The following RERG variants were observed in gnomAD, a reference collection of about 807,000 sequenced individuals.
The protein encoded by RERG is ras-related and estrogen-regulated growth inhibitor.
Under a neutral mutation model 23.2 loss-of-function variants are expected in RERG, and 25 were observed. That is an observed-to-expected ratio of 1.08 (90% confidence interval 0.79 to 1.50). RERG has a LOEUF of 1.50. Ranked by LOEUF, RERG falls within the 40% of genes most tolerant of loss-of-function variation. RERG has a pLI of 0.00. For synonymous variants in RERG, 81 were observed against 89.1 expected (o/e 0.91, Z 0.51); for missense variants, 253 against 250.1 (o/e 1.01, Z -0.08).
At chr12:15,174,533 T>G (rs1036624122) in intron 2 of RERG, among the ~76,000 whole-genome samples, 2 of 151,704 alleles carry the variant, frequency 1.3e-5, no homozygotes, top group East Asian at 1.9e-4. Context: ...TAGGCAGTTT[T>G]GGGCCATAAT....
At chr12:15,152,948 T>C (rs1297932540) in intron 2 of RERG, among the ~76,000 whole-genome samples, 1 of 152,176 alleles carries the variant, frequency 6.6e-6, no homozygotes, top group Non-Finnish European at 1.5e-5. Flanking sequence ...GCCATTTTCT[T>C]GTTAAATTAA....
intron 2 of RERG, among the ~76,000 whole-genome samples, chr12:15,133,205 A>G (rs1864085664): frequency 6.8e-6 from 1 of 147,798 alleles, no homozygotes; most frequent in Admixed American, 6.8e-5. Context: ...ATCATGTAGA[A>G]CAGTTTCACT....
chr12:15,145,662 CTG>C (rs1486251901), intron 2 of RERG, among the ~76,000 whole-genome samples: 2 of 152,242 alleles, frequency 1.3e-5, no homozygotes, highest in African/African-American at 4.8e-5. Context: ...AGAGGGGCAG[CTG>C]TGCCTGACCA....
At chr12:15,220,646 G>A (rs747477367) in intron 1 of RERG, among the ~76,000 whole-genome samples, 2 of 152,048 alleles carry the variant, frequency 1.3e-5, no homozygotes, top group Admixed American at 6.5e-5. Flanking sequence ...GTCTTTATAA[G>A]GTAATCATGC....
intron 2 of RERG, among the ~76,000 whole-genome samples, chr12:15,207,318 TTAAATC>T (rs1224562475): frequency 6.6e-6 from 1 of 152,054 alleles, no homozygotes; most frequent in Non-Finnish European, 1.5e-5. Flanking sequence ...GGAGAATTGA[TTAAATC>T]TAATAAAATA....
chr12:15,160,885 C>T (rs1049723999), intron 2 of RERG, among the ~76,000 whole-genome samples: 1 of 151,424 alleles, frequency 6.6e-6, no homozygotes, highest in South Asian at 2.1e-4. Flanking sequence ...ACCTGTAATC[C>T]CAGCACTTCG....
chr12:15,144,645 T>A (rs892212669), intron 2 of RERG, among the ~76,000 whole-genome samples: 7 of 152,148 alleles, frequency 4.6e-5, no homozygotes, highest in African/African-American at 1.7e-4. Context: ...GTGGTGTGGA[T>A]GACAGCGTGA....
intron 2 of RERG, among the ~76,000 whole-genome samples, chr12:15,129,038 C>T (rs12830049): frequency 0.2 from 30,731 of 152,068 alleles, 3,219 homozygotes; most frequent in Admixed American, 0.26. Flanking sequence ...GTCATTGTGC[C>T]TCAGAAGGAG....
intron 2 of RERG, among the ~76,000 whole-genome samples, chr12:15,169,230 T>C (rs551934736): frequency 6.6e-6 from 1 of 152,354 alleles, no homozygotes; most frequent in South Asian, 2.1e-4. Flanking sequence ...AGGGGTGTGA[T>C]GGTTAATTTT....
At chr12:15,200,163 A>G (rs974052685) in intron 2 of RERG, among the ~76,000 whole-genome samples, 9 of 152,106 alleles carry the variant, frequency 5.9e-5, no homozygotes, top group African/African-American at 1.9e-4. Flanking sequence ...AATTAAAGAT[A>G]ATTTTTAAAA....
chr12:15,178,676 A>T (rs967675753), intron 2 of RERG, among the ~76,000 whole-genome samples: 2 of 152,180 alleles, frequency 1.3e-5, no homozygotes, highest in Non-Finnish European at 2.9e-5. Flanking sequence ...ACCAAATCAT[A>T]AATTAAATGA....
intron 2 of RERG, among the ~76,000 whole-genome samples, chr12:15,175,878 G>A (rs1453349158): frequency 6.6e-6 from 1 of 152,126 alleles, no homozygotes; most frequent in Non-Finnish European, 1.5e-5. Context: ...GTTTTTCATA[G>A]CTACTATGAT....
rs1369361835 is a variant in RERG, at chr12:15,221,242, G to C, written c.-162C>G. ...GAGAGCTACGGTCCTCTGCAAGTTC[G>C]GAATGGGTCCCCCAAGATCGCGAAG... is the stretch of plus-strand genomic sequence containing the variant. On this transcript the variant is annotated 5_prime_UTR_variant, in exon 1 of 5. Transcript: ENST00000256953. 1.3e-5 allele frequency: 2 copies of C among 152,338 alleles called. No homozygotes were observed. Among genetic ancestry groups the C allele is most frequent in the East Asian group, 1.9e-4 (1 of 5,188 alleles). 9.4% of individuals were successfully genotyped at this position (152,338 alleles called of 1,614,324 possible).
intron 2 of RERG, among the ~76,000 whole-genome samples, chr12:15,166,472 TTGATGA>T (rs1201050014): frequency 6.6e-6 from 1 of 150,844 alleles, no homozygotes; most frequent in Non-Finnish European, 1.5e-5. Context: ...CTCATGATAA[TTGATGA>T]TGATGATGAT....
chr12:15,119,775 A>C (rs971607291), intron 3 of RERG, among the ~76,000 whole-genome samples: 2 of 152,202 alleles, frequency 1.3e-5, no homozygotes, highest in Non-Finnish European at 2.9e-5. Flanking sequence ...AATAACATAA[A>C]GATGTGGATC....
intron 2 of RERG, among the ~76,000 whole-genome samples, chr12:15,130,646 C>T (rs1443940532): frequency 6.6e-6 from 1 of 151,934 alleles, no homozygotes; most frequent in African/African-American, 2.4e-5. Context: ...AAAATGCATG[C>T]TTTGTAATGC....
chr12:15,175,496 C>T (rs942318351), intron 2 of RERG, among the ~76,000 whole-genome samples: 3 of 151,628 alleles, frequency 2.0e-5, no homozygotes, highest in African/African-American at 4.9e-5. Flanking sequence ...AGACTGGGGC[C>T]GTCTCAGGTC....
chr12:15,161,206 G>GAAAGAAAGAAAGAAAGAAAGAAAT (rs1864607552), intron 2 of RERG, among the ~76,000 whole-genome samples: 1 of 143,442 alleles, frequency 7.0e-6, no homozygotes, highest in South Asian at 2.3e-4. Context: ...AAGAAAGAAA[G>GAAAGAAAGAAAGAAAGAAAGAAAT]AAAGAAAGAA....
intron 2 of RERG, chr12:15,217,039 A>G (rs1865449156): frequency 6.0e-6 from 1 of 165,976 alleles, no homozygotes; most frequent in Admixed American, 6.2e-5. Flanking sequence ...CATGCTTGAC[A>G]CTGGACTGTT....
Sources: allele counts gnomAD v4.1 joint callset (sites outside exome capture counted in the v4.1 genomes callset), GRCh38; gene constraint gnomAD v4.1.1; transcripts MANE v1.5; gene names NCBI Gene and HGNC (gene_info 2026-07-23, HGNC 2026-07-21).